Variants in COL5A1 observed in about 807,000 individuals in gnomAD.
COL5A1 encodes collagen type V alpha 1 chain.
Under a neutral mutation model 263.7 loss-of-function variants are expected in COL5A1, and 16 were observed. The observed-to-expected ratio is 0.06, with a 90% CI of 0.04 to 0.09. The LOEUF (loss-of-function observed/expected upper bound fraction) is 0.09, where lower values mean the gene tolerates loss of function less well. Ranked by LOEUF, COL5A1 falls within the 10% of genes least tolerant of loss-of-function variation. COL5A1 has a pLI of 1.00. For missense variants in COL5A1, 2,036 were observed against 2,540.5 expected, an observed-to-expected ratio of 0.80 and a Z score of 4.27; for synonymous variants, 1,012 against 1,004.5, an observed-to-expected ratio of 1.01 and a Z score of -0.14.
intron 16 of COL5A1, 37 bp from the exon 17 acceptor site, chr9:134,756,728 C>T (rs1207845347): frequency 1.9e-6 from 3 of 1,608,768 alleles, no homozygotes; most frequent in African/African-American, 1.3e-5. Flanking sequence ...TGAACCGGGG[C>T]TCTTTTGCAT....
chr9:134,709,132 G>C (rs1833945291), intron 4 of COL5A1: 3 of 361,946 alleles, frequency 8.3e-6, no homozygotes, highest in Non-Finnish European at 1.1e-5. Flanking sequence ...GTTCCGACCT[G>C]GACCCATCCC....
chr9:134,825,478 C>G (rs1161635818), intron 62 of COL5A1, among the ~76,000 whole-genome samples: 1 of 152,146 alleles, frequency 6.6e-6, no homozygotes, highest in African/African-American at 2.4e-5. Flanking sequence ...TCCAGAGTTC[C>G]TTCCAGAACC....
intron 52 of COL5A1, 143 bp from the exon 53 acceptor site, chr9:134,816,883 C>A: frequency 1.3e-6 from 1 of 756,188 alleles, no homozygotes; most frequent in Non-Finnish European, 2.3e-6. Flanking sequence ...TGTCTTAGGA[C>A]CCTCTGTGCT....
chr9:134,833,753 T>C (rs1278032760), intron 64 of COL5A1, among the ~76,000 whole-genome samples: 4 of 152,172 alleles, frequency 2.6e-5, no homozygotes, highest in African/African-American at 9.7e-5. Context: ...CTCCAGCTGC[T>C]CACAGTCTCC....
intron 18 of COL5A1, among the ~76,000 whole-genome samples, chr9:134,759,238 CAT>C: frequency 7.5e-6 from 1 of 133,492 alleles, no homozygotes; most frequent in East Asian, 2.6e-4. Flanking sequence ...ACATACACCA[CAT>C]ACACCACACA....
chr9:134,779,283 G>T (rs1837169049), intron 27 of COL5A1, among the ~76,000 whole-genome samples: 1 of 152,206 alleles, frequency 6.6e-6, no homozygotes, highest in East Asian at 1.9e-4. Context: ...CAAGGGTGTG[G>T]CTGCGTAATT....
At chr9:134,806,439 A>G in intron 42 of COL5A1, 143 bp downstream of exon 42, 5 of 639,530 alleles carry the variant, frequency 7.8e-6, no homozygotes, top group Non-Finnish European at 1.4e-5. Flanking sequence ...GCCCTCTAGG[A>G]CAGAGCGTGT....
chr9:134,656,274 G>A (rs925502056), intron 1 of COL5A1, among the ~76,000 whole-genome samples: 3 of 152,202 alleles, frequency 2.0e-5, no homozygotes, highest in Admixed American at 1.3e-4. Flanking sequence ...GGGGGCCTGT[G>A]CCTCCCTCCA....
chr9:134,676,451 T>C (rs1408138213), intron 1 of COL5A1, among the ~76,000 whole-genome samples: 1 of 152,240 alleles, frequency 6.6e-6, no homozygotes, highest in East Asian at 1.9e-4. Context: ...TTGATGGGCA[T>C]GTGCTTTGTT....
chr9:134,812,722 G>A lies in COL5A1; in HGVS notation c.3852+10G>A, dbSNP rs749190469. 3.2e-6 allele frequency: 5 copies of A among 1,540,076 alleles called. No individual in the cohort carries two copies. The highest frequency in any genetic ancestry group is 2.7e-5 in the African/African-American group (2 of 73,594). On this transcript the variant is annotated intron_variant, in intron 48 of 65. Transcript: ENST00000371817. ...TGCAGTGGGAGAGAAGGTGAGGCTC[G>A]TGCCTGCTCTGGTGGCAGATTTGCG...
chr9:134,706,225 G>A (rs1588455228), intron 4 of COL5A1, among the ~76,000 whole-genome samples: 2 of 152,326 alleles, frequency 1.3e-5, no homozygotes, highest in South Asian at 2.1e-4. Context: ...CCGGTGCCCT[G>A]GGGCCAGCAC....
intron 65 of COL5A1, among the ~76,000 whole-genome samples, chr9:134,838,176 C>T (rs1052695150): frequency 2.0e-5 from 3 of 152,164 alleles, no homozygotes; most frequent in African/African-American, 7.2e-5. Flanking sequence ...CATCAAGGCC[C>T]GACGGCTCTC....
At chr9:134,828,896 C>A (rs558814162) in intron 63 of COL5A1, among the ~76,000 whole-genome samples, 1 of 147,990 alleles carries the variant, frequency 6.8e-6, no homozygotes, top group East Asian at 1.9e-4. Flanking sequence ...ACACATTATA[C>A]CACACACACA....
intron 25 of COL5A1, among the ~76,000 whole-genome samples, chr9:134,770,570 A>C (rs1836834887): frequency 6.6e-6 from 1 of 152,262 alleles, no homozygotes; most frequent in South Asian, 2.1e-4. Flanking sequence ...GGGCGCATGC[A>C]TATCTGCAGA....
intron 1 of COL5A1, among the ~76,000 whole-genome samples, chr9:134,672,259 TA>T (rs1325191857): frequency 3.3e-5 from 5 of 152,340 alleles, no homozygotes; most frequent in South Asian, 4.1e-4. Context: ...ATAGAAGTGT[TA>T]AAAGCTACCA....
intron 4 of COL5A1, among the ~76,000 whole-genome samples, chr9:134,726,204 G>T (rs1834643923): frequency 6.6e-6 from 1 of 152,220 alleles, no homozygotes; most frequent in South Asian, 2.1e-4. Context: ...CACTGCACTG[G>T]CATCTGGCAG....
intron 11 of COL5A1, among the ~76,000 whole-genome samples, chr9:134,744,443 G>T (rs1322506223): frequency 6.7e-6 from 1 of 150,248 alleles, no homozygotes; most frequent in Non-Finnish European, 1.5e-5. Context: ...ACACACTCAT[G>T]TGTACACGCA....
intron 64 of COL5A1, 133 bp downstream of exon 64, chr9:134,830,177 G>C: frequency 6.2e-7 from 1 of 1,608,958 alleles, no homozygotes; most frequent in Non-Finnish European, 8.5e-7. Context: ...GGGGTCCCTG[G>C]TAAGTGGCCA....
At chr9:134,743,579 C>T (rs901737933) in intron 11 of COL5A1, among the ~76,000 whole-genome samples, 7 of 152,158 alleles carry the variant, frequency 4.6e-5, no homozygotes, top group African/African-American at 1.4e-4. Flanking sequence ...GAGGCAGTTT[C>T]CCAAGCTTTC....
Sources: gnomAD v4.1 joint callset for allele counts (sites outside exome capture counted in the v4.1 genomes callset) on GRCh38, gnomAD v4.1.1 for gene constraint, MANE v1.5 for transcripts, NCBI Gene and HGNC (gene_info 2026-07-23, HGNC 2026-07-21) for gene names.